CCDC141: variants seen among roughly 807,000 people sequenced by gnomAD.
The protein encoded by CCDC141 is coiled-coil domain containing 141.
A neutral mutation model predicts 181.0 loss-of-function variants in CCDC141; 168 were observed. The ratio of observed to expected loss-of-function variants is 0.93; its 90% CI spans 0.82 to 1.05. The LOEUF (loss-of-function observed/expected upper bound fraction) is 1.05, where lower values mean the gene tolerates loss of function less well. Among genes scored for constraint, CCDC141 ranks in the 50% least tolerant of loss-of-function variants. The pLI, the probability that CCDC141 is intolerant of heterozygous loss-of-function variation, is 0.00. For synonymous variants in CCDC141, 666 were observed against 642.3 expected (o/e 1.04, Z -0.56); for missense variants, 1,902 against 1,788.5 (o/e 1.06, Z -1.14).
Position 178,944,656 on chromosome 2 carries a change from G to A in CCDC141, c.781-5C>T. On this transcript the variant is annotated splice_region_variant and splice_polypyrimidine_tract_variant and intron_variant, in intron 5 of 23. Coordinates refer to ENST00000443758, the MANE Select transcript of CCDC141 (RefSeq NM_173648.4). ...TTTCTGAAACCAACAAGTAACCTAG[G>A]TAAAAGGCAACAAAGAAAGATCAAA... 2 of 1,328,464 alleles carry A rather than the reference G, an allele frequency of 1.5e-6. No homozygotes were observed. The highest frequency in any genetic ancestry group is 2.1e-6 in the Non-Finnish European group (2 of 965,538). 82.3% of individuals were successfully genotyped at this position (1,328,464 alleles called of 1,614,324 possible). A position where few individuals can be genotyped will look rare whatever the true frequency, so the allele number is the denominator to read the frequency against.
At position 178,929,874 on chromosome 2, in the gene CCDC141, C is replaced by G. The variant is rs1689034827; in HGVS notation, c.898-10967G>C. ...TAGATACTAAGGCCCCACTCTAAAGCTGATGAATCAGAATCTGCCTTTAAA... is the reference window on the plus strand; with the variant it reads ...TAGATACTAAGGCCCCACTCTAAAGGTGATGAATCAGAATCTGCCTTTAAA... On this transcript the variant is annotated intron_variant, in intron 6 of 23. Coordinates refer to ENST00000443758, the MANE Select transcript of CCDC141 (RefSeq NM_173648.4). Among the ~76,000 whole-genome samples the G allele has an allele frequency of 2.6e-5, 4 of 152,018 alleles. No homozygotes were observed. In the South Asian group the frequency reaches 8.3e-4, roughly 32 times the overall value.
intron 9 of CCDC141, 27 bp downstream of exon 9, chr2:178,888,500 T>C: frequency 2.6e-6 from 4 of 1,544,982 alleles, no homozygotes; most frequent in Non-Finnish European, 3.5e-6. Flanking sequence ...CCAACTTAGA[T>C]ATTTAAGTTT....
At chr2:178,957,949 A>C (rs62177346) in intron 5 of CCDC141, among the ~76,000 whole-genome samples, 1 of 152,198 alleles carries the variant, frequency 6.6e-6, no homozygotes, top group Non-Finnish European at 1.5e-5. Context: ...GGTTGTCTAG[A>C]ATATTATTTA....
At chr2:179,032,587 T>C (rs552518658) in intron 2 of CCDC141, among the ~76,000 whole-genome samples, 5 of 152,252 alleles carry the variant, frequency 3.3e-5, no homozygotes, top group Admixed American at 2.6e-4. Flanking sequence ...CAAGGACATA[T>C]GAAAACACTG....
intron 17 of CCDC141, among the ~76,000 whole-genome samples, chr2:178,864,568 A>G (rs1363291833): frequency 1.3e-5 from 2 of 152,218 alleles, no homozygotes; most frequent in African/African-American, 4.8e-5. Context: ...GAACATCATT[A>G]TCAGATGTCA....
chr2:178,985,589 A>C (rs911468669), intron 2 of CCDC141, among the ~76,000 whole-genome samples: 4 of 152,052 alleles, frequency 2.6e-5, no homozygotes, highest in African/African-American at 9.7e-5. Flanking sequence ...TAAAGAAAAA[A>C]ACAGAGAAGA....
chr2:178,985,539 G>T (rs11899143), intron 2 of CCDC141, among the ~76,000 whole-genome samples: 1 of 150,842 alleles, frequency 6.6e-6, no homozygotes, highest in Non-Finnish European at 1.5e-5. Context: ...CTGGTTTTTT[G>T]AAAGGATCAA....
chr2:178,858,130 C>T (rs536968311), intron 17 of CCDC141, among the ~76,000 whole-genome samples: 100 of 152,058 alleles, frequency 6.6e-4, no homozygotes, highest in Non-Finnish European at 1.2e-3. Context: ...GCATAGAGAC[C>T]GCATGAACCA....
chr2:179,025,305 G>A (rs532641038), intron 2 of CCDC141, among the ~76,000 whole-genome samples: 1 of 152,144 alleles, frequency 6.6e-6, no homozygotes, highest in East Asian at 1.9e-4. Context: ...ATCTTGAATT[G>A]TAACTCCCAC....
At chr2:178,971,674 A>G (rs1690895238) in intron 4 of CCDC141, among the ~76,000 whole-genome samples, 1 of 152,230 alleles carries the variant, frequency 6.6e-6, no homozygotes, top group South Asian at 2.1e-4. Flanking sequence ...ACCAACCCAA[A>G]TGTCCATCAA....
Position 178,832,812 on chromosome 2 carries a change from C to T in CCDC141, c.*1361G>A, listed in dbSNP as rs1416142908. Reference sequence around the variant, plus strand: ...ATTATTCTTTCAACTAAAGATTTTCCTCAGCATAATAAGACTACATTTAAA... The same window carrying T: ...ATTATTCTTTCAACTAAAGATTTTCTTCAGCATAATAAGACTACATTTAAA... On this transcript the variant is annotated 3_prime_UTR_variant, in exon 24 of 24. Transcript: ENST00000443758. The T allele has an allele frequency of 6.6e-6, 1 of 152,038 alleles. No individual in the cohort carries two copies. The highest frequency in any genetic ancestry group is 6.6e-5 in the Admixed American group (1 of 15,256). The allele number at this position is 152,038 out of a possible 1,614,324, so 9.4% of individuals were successfully genotyped here.
intron 4 of CCDC141, among the ~76,000 whole-genome samples, chr2:178,973,222 G>T (rs1690977606): frequency 6.6e-6 from 1 of 151,884 alleles, no homozygotes; most frequent in Non-Finnish European, 1.5e-5. Flanking sequence ...TTTGTTTTAT[G>T]AAAACAAAAA....
intron 2 of CCDC141, among the ~76,000 whole-genome samples, chr2:179,006,466 C>A (rs987330450): frequency 5.3e-5 from 8 of 152,112 alleles, no homozygotes; most frequent in Admixed American, 3.9e-4. Flanking sequence ...AATATCTGCA[C>A]CCATCTGAGA....
chr2:179,033,953 T>C (rs1391648624), intron 2 of CCDC141, among the ~76,000 whole-genome samples: 2 of 152,184 alleles, frequency 1.3e-5, no homozygotes, highest in East Asian at 1.9e-4. Context: ...TTTCACAGTA[T>C]GAAAAAAGCA....
intron 2 of CCDC141, among the ~76,000 whole-genome samples, chr2:179,046,834 T>G (rs1288461389): frequency 6.6e-6 from 1 of 152,254 alleles, no homozygotes; most frequent in Non-Finnish European, 1.5e-5. Flanking sequence ...AAGTATTATT[T>G]GGTTTCAAGA....
chr2:178,936,474 T>C (rs1689293721), intron 6 of CCDC141, among the ~76,000 whole-genome samples: 1 of 152,168 alleles, frequency 6.6e-6, no homozygotes, highest in African/African-American at 2.4e-5. Context: ...TTTGTACTAG[T>C]TCCATGCTGT....
intron 2 of CCDC141, among the ~76,000 whole-genome samples, chr2:179,003,678 C>T (rs961100431): frequency 7.2e-5 from 11 of 152,034 alleles, no homozygotes; most frequent in African/African-American, 2.7e-4. Flanking sequence ...GGACACCATA[C>T]CCACAAGAGG....
intron 22 of CCDC141, among the ~76,000 whole-genome samples, chr2:178,844,813 C>G (rs575125646): frequency 2.0e-5 from 3 of 152,248 alleles, no homozygotes; most frequent in African/African-American, 7.2e-5. Context: ...AATTTGAGCA[C>G]GGTTCAGAAT....
intron 12 of CCDC141, chr2:178,876,000 G>A (rs1686343781): frequency 6.6e-6 from 1 of 152,130 alleles, no homozygotes; most frequent in African/African-American, 2.4e-5. Flanking sequence ...AGATCACATA[G>A]GAACATGGGC....
Sources: gnomAD v4.1 joint callset for allele counts (sites outside exome capture counted in the v4.1 genomes callset) on GRCh38, gnomAD v4.1.1 for gene constraint, MANE v1.5 for transcripts, NCBI Gene and HGNC (gene_info 2026-07-23, HGNC 2026-07-21) for gene names.